The following RBMS3 variants were observed in gnomAD, a reference collection of about 807,000 sequenced individuals.
The protein encoded by RBMS3 is RNA binding motif single stranded interacting protein 3.
RBMS3 carries 27 observed loss-of-function variants against 66.8 expected under a neutral mutation model. That is an observed-to-expected ratio of 0.40 (90% CI 0.30 to 0.56). The LOEUF (loss-of-function observed/expected upper bound fraction) is 0.56, where lower values mean the gene tolerates loss of function less well. Ranked by LOEUF, RBMS3 falls within the 20% of genes least tolerant of loss-of-function variation. RBMS3 has a pLI of 0.40. For synonymous variants in RBMS3, 188 were observed against 183.0 expected (o/e 1.03, Z -0.22); for missense variants, 513 against 549.5 (o/e 0.93, Z 0.66).
chr3:29,775,809 CTG>C (rs2056408874), intron 6 of RBMS3, among the ~76,000 whole-genome samples: 1 of 151,904 alleles, frequency 6.6e-6, no homozygotes, highest in Admixed American at 6.6e-5. Context: ...TAATTGAACA[CTG>C]TATATTATTA....
intron 4 of RBMS3, among the ~76,000 whole-genome samples, chr3:29,645,694 C>A (rs2049894660): frequency 6.6e-6 from 1 of 152,134 alleles, no homozygotes; most frequent in Non-Finnish European, 1.5e-5. Flanking sequence ...GACTTTGAGG[C>A]AGAGTCTACT....
At chr3:29,822,922 TA>T (rs929482637) in intron 6 of RBMS3, among the ~76,000 whole-genome samples, 2 of 152,162 alleles carry the variant, frequency 1.3e-5, no homozygotes, top group African/African-American at 4.8e-5. Context: ...CATTCTATTT[TA>T]AAAAGTTTGA....
At chr3:29,959,844 C>T (rs1189538558) in intron 12 of RBMS3, among the ~76,000 whole-genome samples, 2 of 152,092 alleles carry the variant, frequency 1.3e-5, no homozygotes, top group Non-Finnish European at 2.9e-5. Flanking sequence ...ACAAGAACAG[C>T]ATAGAGGAAC....
chr3:29,522,321 T>G (rs2044890837), intron 3 of RBMS3, among the ~76,000 whole-genome samples: 1 of 152,112 alleles, frequency 6.6e-6, no homozygotes, highest in African/African-American at 2.4e-5. Flanking sequence ...GCCTCCCAAG[T>G]AGCTGGGATT....
intron 6 of RBMS3, among the ~76,000 whole-genome samples, chr3:29,785,116 A>G (rs1046715612): frequency 6.6e-6 from 1 of 152,138 alleles, no homozygotes. Context: ...TGCCAGTCCT[A>G]TTGACACTAT....
intron 1 of RBMS3, among the ~76,000 whole-genome samples, chr3:29,432,258 G>A (rs745821491): frequency 6.6e-6 from 1 of 152,184 alleles, no homozygotes; most frequent in Non-Finnish European, 1.5e-5. Context: ...CTAACACCAA[G>A]TTTTCTAGCA....
At chr3:29,718,772 G>A (rs777580413) in intron 4 of RBMS3, among the ~76,000 whole-genome samples, 2 of 152,152 alleles carry the variant, frequency 1.3e-5, no homozygotes, top group Non-Finnish European at 2.9e-5. Flanking sequence ...AGGCCAAGGA[G>A]ATGTGCTGCC....
At chr3:29,801,005 G>T (rs1395092381) in intron 6 of RBMS3, among the ~76,000 whole-genome samples, 2 of 148,832 alleles carry the variant, frequency 1.3e-5, no homozygotes, top group Non-Finnish European at 3.0e-5. Context: ...ACACACGCAT[G>T]CACACACACA....
intron 6 of RBMS3, 37 bp from the exon 7 acceptor site, chr3:29,868,821 G>C: frequency 6.7e-7 from 1 of 1,500,104 alleles, no homozygotes; most frequent in Non-Finnish European, 9.1e-7. Flanking sequence ...TTTTAAGGGG[G>C]AGTTGTTAAT....
intron 6 of RBMS3, among the ~76,000 whole-genome samples, chr3:29,823,750 TG>T (rs745719378): frequency 1.3e-5 from 2 of 152,158 alleles, no homozygotes; most frequent in Non-Finnish European, 2.9e-5. Context: ...TGTCTTTAGG[TG>T]AACACATGTG....
At chr3:29,841,519 T>G (rs2058664097) in intron 6 of RBMS3, among the ~76,000 whole-genome samples, 1 of 152,008 alleles carries the variant, frequency 6.6e-6, no homozygotes, top group Admixed American at 6.5e-5. Context: ...AAGCTTCTGA[T>G]TACATGACCA....
chr3:29,300,277 T>C (rs2033583069), intron 1 of RBMS3, among the ~76,000 whole-genome samples: 1 of 152,008 alleles, frequency 6.6e-6, no homozygotes, highest in Non-Finnish European at 1.5e-5. Context: ...TCAAAAGCTT[T>C]AAAAACATAC....
intron 14 of RBMS3, among the ~76,000 whole-genome samples, chr3:30,001,906 G>T: frequency 6.6e-6 from 1 of 151,848 alleles, no homozygotes; most frequent in East Asian, 1.9e-4. Context: ...AGGAATTTCA[G>T]TGCAATCCAT....
Position 29,578,853 on chromosome 3 carries a change from C to G in RBMS3, c.308-8261C>G, listed in dbSNP as rs568224358. 5.7e-5 allele frequency among the ~76,000 whole-genome samples: 7 copies of G among 123,556 alleles called. No individual in the cohort carries two copies. The East Asian group carries it at 1.4e-3, about 25-fold the overall frequency. The allele number at this position is 123,556 out of a possible 152,430, so 81.1% of individuals were successfully genotyped here. A position where few individuals can be genotyped will look rare whatever the true frequency, so the allele number is the denominator to read the frequency against. ...TCTGTCGCCCAGGTCGGACTGCGGACTGCAGTGGCGCAATCTCGGCTCACT... is the reference window on the plus strand; with the variant it reads ...TCTGTCGCCCAGGTCGGACTGCGGAGTGCAGTGGCGCAATCTCGGCTCACT... On this transcript the variant is annotated intron_variant, in intron 3 of 14. Coordinates refer to ENST00000383767, the MANE Select transcript of RBMS3 (RefSeq NM_001003793.3).
rs752112938 is a variant in RBMS3 at position 29,868,921 on chromosome 3, G to A, written c.701G>A (p.Ser234Asn). The change falls in exon 7 of 15, where the codon AGC becomes AAC. Residue 234 changes from serine (S) to asparagine (N), a missense_variant. By Grantham distance (46) the Ser-to-Asn change is conservative (BLOSUM62 1). Coordinates refer to ENST00000383767, the MANE Select transcript of RBMS3 (RefSeq NM_001003793.3). ...DGGQKKRQNQ[S>N]KYTQNGRPWP... Reference sequence around the variant, plus strand: ...GGACAAAAGAAGCGACAGAATCAAAGCAAATATACCCAGAATGGGAGGCCT... The same window carrying A: ...GGACAAAAGAAGCGACAGAATCAAAACAAATATACCCAGAATGGGAGGCCT... 6.2e-7 allele frequency: 1 copy of A among 1,604,216 alleles called. No homozygotes were observed. The highest frequency in any genetic ancestry group is 1.1e-5 in the South Asian group (1 of 89,008).
At position 29,519,796 on chromosome 3, in the gene RBMS3, G is replaced by A. The variant is rs147439056; in HGVS notation, c.307+31297G>A. ...GTTATTATTAAAATGGGAGCTTTAC[G>A]ATAGCATTCTTAAGTATGGTGATTT... On this transcript the variant is annotated intron_variant, in intron 3 of 14. Transcript: ENST00000383767. Among the ~76,000 whole-genome samples the A allele has an allele frequency of 7.8e-4, 118 of 152,178 alleles. 1 individual carries two copies. Among genetic ancestry groups the A allele is most frequent in the African/African-American group, 2.6e-3 (108 of 41,510 alleles).
intron 12 of RBMS3, 174 bp from the exon 13 acceptor site, chr3:29,987,969 G>GC: frequency 3.6e-6 from 2 of 555,648 alleles, no homozygotes; most frequent in Non-Finnish European, 6.4e-6. Context: ...TAATCAGCAA[G>GC]CAAAGGCCTT....
intron 1 of RBMS3, among the ~76,000 whole-genome samples, chr3:29,308,585 C>T (rs143405725): frequency 2.4e-4 from 37 of 151,098 alleles, no homozygotes; most frequent in Admixed American, 1.5e-3. Context: ...TATGTAAGTC[C>T]GAAATATTGG....
rs185749602 is a variant in RBMS3 at position 29,827,659 on chromosome 3, C to T, written c.638-41199C>T. On this transcript the variant is annotated intron_variant, in intron 6 of 14. Transcript: ENST00000383767. ...GTTGTGTTACCTCTATTAGAGTAAC[C>T]TGAGTAAGCTTCTTAGAACCAGAAA... is the stretch of plus-strand genomic sequence containing the variant. Among the ~76,000 whole-genome samples the T allele has an allele frequency of 2.0e-5, 3 of 152,136 alleles. No homozygotes were observed. In the East Asian group the frequency reaches 5.8e-4, roughly 29 times the overall value.
Sources: allele counts gnomAD v4.1 joint callset (sites outside exome capture counted in the v4.1 genomes callset), GRCh38; gene constraint gnomAD v4.1.1; transcripts MANE v1.5; gene names NCBI Gene and HGNC (gene_info 2026-07-23, HGNC 2026-07-21).